LAMA5: variants seen among roughly 807,000 people sequenced by gnomAD.
The protein encoded by LAMA5 is laminin subunit alpha-5.
LAMA5 carries 260 observed loss-of-function variants against 433.4 expected under a neutral mutation model. The observed-to-expected ratio is 0.60, with a 90% CI of 0.54 to 0.66. The LOEUF (loss-of-function observed/expected upper bound fraction) is 0.66. LAMA5 is among the 30% of genes least tolerant of loss of function. LAMA5 has a pLI of 0.00. For missense variants in LAMA5, 5,378 were observed against 5,258.5 expected (o/e 1.02, Z -0.70); for synonymous variants, 2,620 against 2,226.6 (o/e 1.18, Z -4.97).
At chr20:62,349,858 T>A in intron 6 of LAMA5, among the ~76,000 whole-genome samples, 1 of 32,892 alleles carries the variant, frequency 3.0e-5, no homozygotes, top group African/African-American at 1.0e-4. Context: ...AGTGGGCTGG[T>A]AGTGGGGGTG....
At position 62,317,726 on chromosome 20, in the gene LAMA5, T is replaced by A. The variant is rs76350903; in HGVS notation, c.7292A>T (p.His2431Leu). 5.1e-3 allele frequency: 8,122 copies of A among 1,607,450 alleles called. 290 individuals carry two copies. The African/African-American group carries it at 0.085, about 17-fold the overall frequency. The change falls in exon 54 of 80, where the codon CAT becomes CTT. Residue 2431 changes from histidine to leucine, a missense_variant. His to Leu is a moderately conservative substitution (Grantham distance 99). Transcript: ENST00000252999. ...GCTGGCCAGGGTGTCCCTAGCCGCA[T>A]GCAGAGTGGCCTGCAGGGTGGCATT... Reference protein sequence around the residue: ...RDNATLQATLHAARDTLASVF... With the variant: ...RDNATLQATLLAARDTLASVF...
In LAMA5 at chr20:62,312,313, C is replaced by T. The variant is rs987931952; in HGVS notation, c.9364G>A (p.Gly3122Arg). ...SAGCTADLLV[G>R]RAMTFHGHGF... ...TGGCCATGGAAAGTCATGGCGCGCC[C>T]CACCTGCGGGGAGGCCATCCCTGAG... is the stretch of plus-strand genomic sequence containing the variant. The change falls in exon 69 of 80, where the codon GGG becomes AGG. Residue 3122 changes from glycine (G) to arginine (R), a missense_variant. Gly to Arg is a moderately radical substitution (Grantham distance 125, BLOSUM62 -2). Coordinates refer to ENST00000252999, the MANE Select transcript of LAMA5 (RefSeq NM_005560.6). The T allele has an allele frequency of 1.6e-5, 25 of 1,609,058 alleles. No homozygotes were observed. The highest frequency in any genetic ancestry group is 2.0e-5 in the Non-Finnish European group (24 of 1,179,342).
At position 62,328,968 on chromosome 20, in the gene LAMA5, G is replaced by A. The variant is rs371147377; in HGVS notation, c.4323C>T (p.His1441=). The A allele has an allele frequency of 5.5e-5, 88 of 1,612,304 alleles. No homozygotes were observed. Among genetic ancestry groups the A allele is most frequent in the Non-Finnish European group, 6.8e-5 (80 of 1,179,700 alleles). ...YNNGARPCGC[H]EVGATGPTCE... is the part of the protein sequence containing the mutation. ...ACGTGGGGCCTGTAGCACCTACTTC[G>A]TGGCAGCCACATGGACGGGCTCCGT... The change falls in exon 34 of 80, where the codon CAC becomes CAT. Residue 1441 remains histidine (H), a synonymous_variant. Coordinates refer to ENST00000252999, the MANE Select transcript of LAMA5 (RefSeq NM_005560.6).
At position 62,310,231 on chromosome 20, in the gene LAMA5, A is replaced by C. The variant is rs757645262; in HGVS notation, c.10681T>G (p.Leu3561Val). 5 of 1,612,598 alleles carry C rather than the reference A, an allele frequency of 3.1e-6. No individual in the cohort carries two copies. The South Asian group carries it at 5.5e-5, about 18-fold the overall frequency. Residue 3561 changes from leucine (L) to valine (V), a missense_variant, in exon 77 of 80, where the codon TTG becomes GTG. Transcript: ENST00000252999. ...TAGGGGGGCGTCCGGGCCTGGCCCA[A>C]GTGGAAGATCAGTCCGGTGACTGCC... Reference protein sequence around the residue: ...PLAVTGLIFHLGQARTPPYLQ... With the variant: ...PLAVTGLIFHVGQARTPPYLQ...
At position 62,312,874 on chromosome 20, in the gene LAMA5, C is replaced by CA. The variant is rs1386685356; in HGVS notation, c.9078+13dup. The CA allele has an allele frequency of 6.3e-7, 1 of 1,594,634 alleles. No homozygotes were observed. The highest frequency in any genetic ancestry group is 8.6e-7 in the Non-Finnish European group (1 of 1,169,568). On this transcript the variant is annotated intron_variant, in intron 66 of 79. Transcript: ENST00000252999. Reference sequence around the variant, plus strand: ...CTCCTCTCCCTGCCACCCTGGTCCCCACCCTGGCCCTACCGCCTTGCTGGC... The same window carrying CA: ...CTCCTCTCCCTGCCACCCTGGTCCCCAACCCTGGCCCTACCGCCTTGCTGGC...
Position 62,311,786 on chromosome 20 carries a change from T to TG in LAMA5, c.9636-3dup, listed in dbSNP as rs780336259. ...TGGTCATCGACATACAGCCAGACTC[T>TG]GGGGGGCGGGAGGCCGGAGGCTCGG... is the stretch of plus-strand genomic sequence containing the variant. On this transcript the variant is annotated splice_polypyrimidine_tract_variant and splice_region_variant and intron_variant, in intron 70 of 79. Transcript: ENST00000252999. 122 of 1,558,028 alleles carry TG rather than the reference T, an allele frequency of 7.8e-5. No individual in the cohort carries two copies. The highest frequency in any genetic ancestry group is 1.0e-4 in the Non-Finnish European group (119 of 1,152,106).
At chr20:62,351,879 C>A (rs1297044918) in intron 5 of LAMA5, 30 bp downstream of exon 5, 1 of 1,575,806 alleles carries the variant, frequency 6.3e-7, no homozygotes, top group African/African-American at 1.3e-5. Context: ...GGCCAGTCCC[C>A]CTCCCCCGCC....
chr20:62,310,225 G>A lies in LAMA5; in HGVS notation c.10687C>T (p.Gln3563Ter). 1 of 1,612,638 alleles carries A rather than the reference G, an allele frequency of 6.2e-7. No individual in the cohort carries two copies. Reference protein sequence around the residue: ...AVTGLIFHLGQARTPPYLQLQ... With the variant: ...AVTGLIFHLG Reference sequence around the variant, plus strand: ...TGCAAGTAGGGGGGCGTCCGGGCCTGGCCCAAGTGGAAGATCAGTCCGGTG... The same window carrying A: ...TGCAAGTAGGGGGGCGTCCGGGCCTAGCCCAAGTGGAAGATCAGTCCGGTG... The change falls in exon 77 of 80, where the codon CAG becomes TAG. Residue 3563 changes from glutamine (Q) to a stop codon, truncating the protein, a stop_gained. Coordinates refer to ENST00000252999, the MANE Select transcript of LAMA5 (RefSeq NM_005560.6). LOFTEE classifies it high-confidence loss of function.
In LAMA5 at chr20:62,323,490, G is replaced by A. The variant is rs762921587; in HGVS notation, c.6030C>T (p.Phe2010=). 1.3e-6 allele frequency: 2 copies of A among 1,552,644 alleles called. No homozygotes were observed. Among genetic ancestry groups the A allele is most frequent in the Non-Finnish European group, 8.7e-7 (1 of 1,150,354 alleles). The change falls in exon 45 of 80, where the codon TTC becomes TTT. Residue 2010 remains phenylalanine (F), a synonymous_variant. Transcript: ENST00000252999. The part of the protein sequence containing the change: ...GPRCEICAPG[F]YGNALLPGNC... The stretch of plus-strand genomic sequence containing the variant: ...TGCCGGGCAGCAGGGCGTTGCCGTA[G>A]AAGCCGGGGGCACAGATCTCGCAGC...
intron 17 of LAMA5, 40 bp from the exon 18 acceptor site, chr20:62,336,485 G>A: frequency 6.6e-7 from 1 of 1,519,252 alleles, no homozygotes; most frequent in Non-Finnish European, 9.1e-7. Context: ...CGGGCGCCCT[G>A]CTCTCCCACC....
chr20:62,362,370 G>C (rs537240575), intron 2 of LAMA5, 30 bp downstream of exon 2: 1 of 1,472,062 alleles, frequency 6.8e-7, no homozygotes, highest in African/African-American at 1.4e-5. Flanking sequence ...ACAGAGATGG[G>C]GGCTGCAGCA....
chr20:62,361,026 C>A (rs1422426875), intron 2 of LAMA5, among the ~76,000 whole-genome samples: 1 of 152,154 alleles, frequency 6.6e-6, no homozygotes, highest in Non-Finnish European at 1.5e-5. Flanking sequence ...TCCCCTCCCC[C>A]AGCCCAGCCC....
chr20:62,318,949 C>G lies in LAMA5; in HGVS notation c.6936G>C (p.Leu2312=), dbSNP rs759153148. ...GCTCCACCTCGGCCAGTGTCCGGAG[C>G]AGCTGCTCACCTGATGGAGCCGAGG... ...ANASAPSGEQ[L]LRTLAEVERL... Residue 2312 remains leucine, a synonymous_variant, in exon 52 of 80, where the codon CTG becomes CTC. Transcript: ENST00000252999. 4 of 1,596,834 alleles carry G rather than the reference C, an allele frequency of 2.5e-6. No individual in the cohort carries two copies. The East Asian group carries it at 9.0e-5, about 36-fold the overall frequency.
intron 32 of LAMA5, 67 bp downstream of exon 32, chr20:62,329,710 G>A (rs1784357433): frequency 2.5e-6 from 4 of 1,577,362 alleles, no homozygotes; most frequent in Non-Finnish European, 3.5e-6. Flanking sequence ...CAGCCCAAGT[G>A]TACCACAGTG....
rs1269571949 is a variant in LAMA5, at chr20:62,309,245, TTAGAGTCCAAA to T, written c.*80_*90del. On this transcript the variant is annotated 3_prime_UTR_variant, in exon 80 of 80. Coordinates refer to ENST00000252999, the MANE Select transcript of LAMA5 (RefSeq NM_005560.6). ...AAACAAGATCTGTCACCCGTAGAGC[TTAGAGTCCAAA>T]TAGACACCTATGAGGCGAGCACAAG... The T allele has an allele frequency of 3.0e-5, 39 of 1,285,348 alleles. No homozygotes were observed. The African/African-American group carries it at 5.2e-4, about 17-fold the overall frequency. The allele number at this position is 1,285,348 out of a possible 1,614,324, so 79.6% of individuals were successfully genotyped here.
In LAMA5 at chr20:62,327,082, C is replaced by T. The variant is rs527329029; in HGVS notation, c.5113-116G>A. On this transcript the variant is annotated intron_variant, in intron 38 of 79. Coordinates refer to ENST00000252999, the MANE Select transcript of LAMA5 (RefSeq NM_005560.6). ...GCCCTGTGCTGGGCCTGGATACTTG[C>T]GCTCATTCCCTACCGGGACAGGGCC... The T allele has an allele frequency of 1.2e-4, 127 of 1,086,848 alleles. 2 individuals are homozygous for T. Among genetic ancestry groups the T allele is most frequent in the South Asian group, 6.6e-4 (43 of 65,022 alleles). 67.3% of individuals were successfully genotyped at this position (1,086,848 alleles called of 1,614,324 possible).
In LAMA5 at chr20:62,315,169, C is replaced by A; in HGVS notation, c.7906G>T (p.Ala2636Ser). Residue 2636 changes from alanine to serine, a missense_variant, in exon 59 of 80, where the codon GCT becomes TCT. Coordinates refer to ENST00000252999, the MANE Select transcript of LAMA5 (RefSeq NM_005560.6). ...GTGGCGGTGTCCTGGGCTTCAGCAG[C>A]CACAGCCTTGGCATGTGCGATCTTC... ...SKKIAHAKAV[A>S]AEAQDTATRV... The A allele has an allele frequency of 1.2e-6, 2 of 1,611,072 alleles. No homozygotes were observed. Among genetic ancestry groups the A allele is most frequent in the South Asian group, 2.2e-5 (2 of 91,006 alleles).
Position 62,330,741 on chromosome 20 carries a change from A to T in LAMA5, c.3852+2T>A. The T allele has an allele frequency of 6.4e-7, 1 of 1,558,746 alleles. No homozygotes were observed. Reference sequence around the variant, plus strand: ...CGTCCCTCTAGAGACTATGGCCCTCACCTGGGGCTCACGCAGCAGGGTGGG... The same window carrying T: ...CGTCCCTCTAGAGACTATGGCCCTCTCCTGGGGCTCACGCAGCAGGGTGGG... On this transcript the variant is annotated splice_donor_variant, in intron 30 of 79. Transcript: ENST00000252999. LOFTEE classifies it high-confidence loss of function.
chr20:62,334,610 C>G lies in LAMA5; in HGVS notation c.2494G>C (p.Asp832His). ...CTCTGGCCCAGTGCACCGCCAATGT[C>G]ACACCGGCAGCCTGCAGGGAGAAGG... ...DYFGCRSCRC[D>H]IGGALGQSCE... Residue 832 changes from aspartate to histidine, a missense_variant, in exon 21 of 80, where the codon GAC (aspartate) becomes CAC (histidine). By Grantham distance (81) the Asp-to-His change is moderately conservative. Coordinates refer to ENST00000252999, the MANE Select transcript of LAMA5 (RefSeq NM_005560.6). 1 of 1,547,024 alleles carries G rather than the reference C, an allele frequency of 6.5e-7. No homozygotes were observed. Among genetic ancestry groups the G allele is most frequent in the Middle Eastern group, 1.7e-4 (1 of 5,948 alleles).
Sources: gnomAD v4.1 joint callset for allele counts (sites outside exome capture counted in the v4.1 genomes callset) on GRCh38, gnomAD v4.1.1 for gene constraint, MANE v1.5 for transcripts, NCBI Gene and HGNC (gene_info 2026-07-23, HGNC 2026-07-21) for gene names.